The following EPB41L1 variants were observed in gnomAD, a reference collection of about 807,000 sequenced individuals.
The protein encoded by EPB41L1 is erythrocyte membrane protein band 4.1 like 1.
EPB41L1 carries 29 observed loss-of-function variants against 97.8 expected under a neutral mutation model. The observed-to-expected ratio is 0.30, with a 90% confidence interval of 0.22 to 0.40. EPB41L1 has a LOEUF of 0.40. EPB41L1 is among the 10% of genes least tolerant of loss of function. The pLI, the probability that EPB41L1 is intolerant of heterozygous loss-of-function variation, is 1.00. For synonymous variants in EPB41L1, 383 were observed against 459.2 expected (o/e 0.83, Z 2.12); for missense variants, 812 against 1,162.3 (o/e 0.70, Z 4.38).
intron 2 of EPB41L1, among the ~76,000 whole-genome samples, chr20:36,130,246 T>G (rs1000298161): frequency 1.5e-5 from 2 of 129,300 alleles, no homozygotes; most frequent in South Asian, 2.4e-4. Flanking sequence ...CCAGCAGTGT[T>G]TTTTTTTTTG....
At chr20:36,118,768 AATTT>A (rs1362418932) in intron 2 of EPB41L1, among the ~76,000 whole-genome samples, 5 of 152,178 alleles carry the variant, frequency 3.3e-5, no homozygotes, top group South Asian at 4.1e-4. Context: ...AATGAATGTA[AATTT>A]ATTTATTTAT....
intron 18 of EPB41L1, 82 bp downstream of exon 18, chr20:36,219,044 G>A (rs1161857415): frequency 1.4e-6 from 2 of 1,431,608 alleles, no homozygotes; most frequent in East Asian, 2.4e-5. Context: ...GGCAGGAAGT[G>A]CAGCGTTGAG....
chr20:36,195,185 G>A lies in EPB41L1; in HGVS notation c.1450-144G>A. ...TTCTGACTACCTCACTGCCCTGCTG[G>A]TGGCCCACCCAGCTGCCCTGGCCTC... is the stretch of plus-strand genomic sequence containing the variant. On this transcript the variant is annotated intron_variant, in intron 12 of 21. Transcript: ENST00000338074. The surrounding 1 kb of genome is among the most constrained non-coding windows in gnomAD (Gnocchi z 4.6). 5.6e-6 allele frequency: 5 copies of A among 892,754 alleles called. No homozygotes were observed. The highest frequency in any genetic ancestry group is 1.8e-6 in the Non-Finnish European group (1 of 548,444). 55.3% of individuals were successfully genotyped at this position (892,754 alleles called of 1,614,324 possible). A position where few individuals can be genotyped will look rare whatever the true frequency, so the allele number is the denominator to read the frequency against.
chr20:36,106,880 G>A (rs556977441), intron 1 of EPB41L1, among the ~76,000 whole-genome samples: 123 of 152,306 alleles, frequency 8.1e-4, no homozygotes, highest in Admixed American at 6.7e-3. Context: ...CACAATCATT[G>A]CAACGTCTGC....
At chr20:36,135,770 A>C (rs1379965313) in intron 2 of EPB41L1, among the ~76,000 whole-genome samples, 1 of 152,140 alleles carries the variant, frequency 6.6e-6, no homozygotes, top group South Asian at 2.1e-4. Context: ...GACTTCCTTC[A>C]CATCTAGACT....
At chr20:36,143,262 A>G (rs1169992853) in intron 2 of EPB41L1, among the ~76,000 whole-genome samples, 1 of 151,780 alleles carries the variant, frequency 6.6e-6, no homozygotes, top group Non-Finnish European at 1.5e-5. Flanking sequence ...TATGAGAGGC[A>G]GACCAGGCTC....
intron 1 of EPB41L1, among the ~76,000 whole-genome samples, chr20:36,109,418 A>G (rs1411965460): frequency 6.6e-6 from 1 of 152,190 alleles, no homozygotes; most frequent in Admixed American, 6.5e-5. Context: ...GAAATAATCC[A>G]AGTGAGTATT....
chr20:36,095,118 C>A (rs1227078949), intron 1 of EPB41L1, among the ~76,000 whole-genome samples: 2 of 152,016 alleles, frequency 1.3e-5, no homozygotes, highest in African/African-American at 4.8e-5. Context: ...ATTACAGGCA[C>A]CCACCACCAC....
intron 21 of EPB41L1, among the ~76,000 whole-genome samples, chr20:36,223,416 A>G (rs993091330): frequency 2.6e-5 from 4 of 152,222 alleles, no homozygotes; most frequent in Non-Finnish European, 2.9e-5. Context: ...TGGGCCATCA[A>G]TGCTTTGGTG....
intron 3 of EPB41L1, among the ~76,000 whole-genome samples, chr20:36,176,275 T>G (rs2061225514): frequency 6.6e-6 from 1 of 152,214 alleles, no homozygotes; most frequent in African/African-American, 2.4e-5. Context: ...TGCCCCATGG[T>G]GGTGACACAG....
chr20:36,206,073 A>C lies in EPB41L1; in HGVS notation c.1669-3415A>C, dbSNP rs143061330. The C allele has an allele frequency of 2.4e-3, 3,125 of 1,289,910 alleles. 9 individuals are homozygous for C. The highest frequency in any genetic ancestry group is 2.9e-3 in the Non-Finnish European group (2,841 of 988,900). The allele number at this position is 1,289,910 out of a possible 1,614,324, so 79.9% of individuals were successfully genotyped here. On this transcript the variant is annotated intron_variant, in intron 14 of 21. Transcript: ENST00000338074. This position sits in a 1 kb window ranked among gnomAD's most constrained non-coding sequence, Gnocchi z 5.5. ...GAAGAGCAAACACCCAGCAACAAGG[A>C]AAAATGATTGCAAGTCCTGAAGACT...
chr20:36,221,137 C>T (rs2063756108), intron 19 of EPB41L1, among the ~76,000 whole-genome samples: 1 of 152,246 alleles, frequency 6.6e-6, no homozygotes, highest in Non-Finnish European at 1.5e-5. Flanking sequence ...GCCCCCTCTT[C>T]TTTCTATCCA....
intron 8 of EPB41L1, 33 bp from the exon 9 acceptor site, chr20:36,188,314 G>A (rs767536595): frequency 7.4e-6 from 12 of 1,611,850 alleles, no homozygotes; most frequent in Admixed American, 3.3e-5. Flanking sequence ...CATGGACCCC[G>A]GGCCTCCCAT....
chr20:36,106,248 C>A (rs1256735643), intron 1 of EPB41L1, among the ~76,000 whole-genome samples: 1 of 152,276 alleles, frequency 6.6e-6, no homozygotes, highest in Non-Finnish European at 1.5e-5. Context: ...TTCCGCTCTC[C>A]TTCCCTTTTG....
chr20:36,221,868 T>C lies in EPB41L1; in HGVS notation c.2444T>C (p.Val815Ala). 1 of 1,614,084 alleles carries C rather than the reference T, an allele frequency of 6.2e-7. No homozygotes were observed. The highest frequency in any genetic ancestry group is 2.2e-5 in the East Asian group (1 of 44,874). ...CACCTCCCTCTCCCTCTGCAGACTGTGAAAGGAGGGTTTTCTGAGACAAGG... is the reference window on the plus strand; with the variant it reads ...CACCTCCCTCTCCCTCTGCAGACTGCGAAAGGAGGGTTTTCTGAGACAAGG... Reference protein sequence around the residue: ...TSTTTHVTKTVKGGFSETRIE... With the variant: ...TSTTTHVTKTAKGGFSETRIE... Residue 815 changes from valine to alanine, a missense_variant, in exon 20 of 22, where the codon GTG becomes GCG. Coordinates refer to ENST00000338074, the MANE Select transcript of EPB41L1 (RefSeq NM_012156.2).
intron 1 of EPB41L1, among the ~76,000 whole-genome samples, chr20:36,156,034 G>A (rs1056658180): frequency 2.0e-5 from 3 of 152,190 alleles, no homozygotes; most frequent in African/African-American, 7.2e-5. Flanking sequence ...GGGCAAGGGT[G>A]TGGAGAATAG....
At position 36,229,424 on chromosome 20, in the gene EPB41L1, C is replaced by A; in HGVS notation, c.*84C>A. ...GGGGCCTTCATTCTGGATTCTCCGA[C>A]GCAACACTGACGTCCCAGCTGCGAC... On this transcript the variant is annotated 3_prime_UTR_variant, in exon 22 of 22. Transcript: ENST00000338074. 1 of 1,403,584 alleles carries A rather than the reference C, an allele frequency of 7.1e-7. No individual in the cohort carries two copies. The highest frequency in any genetic ancestry group is 1.0e-6 in the Non-Finnish European group (1 of 989,212). 86.9% of individuals were successfully genotyped at this position (1,403,584 alleles called of 1,614,324 possible).
chr20:36,102,494 G>T (rs2058052473), intron 1 of EPB41L1, among the ~76,000 whole-genome samples: 1 of 152,184 alleles, frequency 6.6e-6, no homozygotes, highest in African/African-American at 2.4e-5. Context: ...GGTGGTCAGG[G>T]ACTGTAGACC....
At chr20:36,114,245 G>A (rs940115972) in intron 2 of EPB41L1, among the ~76,000 whole-genome samples, 1 of 152,152 alleles carries the variant, frequency 6.6e-6, no homozygotes, top group Non-Finnish European at 1.5e-5. Flanking sequence ...AACCCATATT[G>A]TAAGCATTTG....
Sources: gnomAD v4.1 joint callset for allele counts (sites outside exome capture counted in the v4.1 genomes callset) on GRCh38, gnomAD v4.1.1 for gene constraint, Gnocchi (gnomAD v3.1) non-coding constraint, MANE v1.5 for transcripts, NCBI Gene and HGNC (gene_info 2026-07-23, HGNC 2026-07-21) for gene names.